Variants in INPP4B observed in about 807,000 individuals in gnomAD.
INPP4B encodes the protein inositol polyphosphate-4-phosphatase type II B.
In INPP4B, 55 loss-of-function variants were observed where a neutral mutation model predicts 122.5. The observed-to-expected ratio is 0.45, with a 90% confidence interval of 0.36 to 0.56. The LOEUF is 0.56. INPP4B is among the 20% of genes least tolerant of loss of function. The probability of loss-of-function intolerance (pLI) is 0.00; values close to 1 mark genes in which losing one functional copy is unlikely to be tolerated. For synonymous variants in INPP4B, 403 were observed against 388.7 expected (o/e 1.04, Z -0.43); for missense variants, 1,000 against 1,097.7 (o/e 0.91, Z 1.26).
At chr4:142,188,681 T>C (rs999530460) in intron 15 of INPP4B, among the ~76,000 whole-genome samples, 9 of 151,114 alleles carry the variant, frequency 6.0e-5, no homozygotes, top group African/African-American at 1.7e-4. Flanking sequence ...AAAAAAAGAA[T>C]TACCATCCCC....
chr4:142,296,917 TAAG>T (rs1758960548), intron 9 of INPP4B, among the ~76,000 whole-genome samples: 2 of 152,176 alleles, frequency 1.3e-5, no homozygotes, highest in Admixed American at 1.3e-4. Context: ...ATCAGTTTTA[TAAG>T]AAGATGTTCC....
chr4:142,044,270 C>T (rs1335412919), intron 25 of INPP4B, among the ~76,000 whole-genome samples: 4 of 152,040 alleles, frequency 2.6e-5, no homozygotes, highest in African/African-American at 9.6e-5. Context: ...GAATCATCCA[C>T]GTAGAGAATA....
intron 15 of INPP4B, among the ~76,000 whole-genome samples, 181 bp downstream of exon 15, chr4:142,192,906 G>A (rs1197223066): frequency 6.6e-6 from 1 of 152,124 alleles, no homozygotes; most frequent in Non-Finnish European, 1.5e-5. Flanking sequence ...AGACACTTAG[G>A]CAATTTGTTT....
At chr4:142,202,490 A>G (rs924062592) in intron 14 of INPP4B, among the ~76,000 whole-genome samples, 3 of 152,110 alleles carry the variant, frequency 2.0e-5, no homozygotes, top group Admixed American at 6.6e-5. Flanking sequence ...TACATCTAAC[A>G]TAATTATGCT....
intron 7 of INPP4B, among the ~76,000 whole-genome samples, chr4:142,377,165 AT>A (rs1329505377): frequency 6.6e-6 from 1 of 151,970 alleles, no homozygotes; most frequent in East Asian, 1.9e-4. Context: ...TTTAAAACAA[AT>A]TTTAGGTGGC....
At chr4:142,103,236 A>G (rs1785342627) in intron 23 of INPP4B, among the ~76,000 whole-genome samples, 1 of 152,016 alleles carries the variant, frequency 6.6e-6, no homozygotes, top group Non-Finnish European at 1.5e-5. Context: ...CATTTAGCTT[A>G]TTTGACTCAA....
chr4:142,530,256 T>C (rs1054159472), intron 2 of INPP4B, among the ~76,000 whole-genome samples: 2 of 152,074 alleles, frequency 1.3e-5, no homozygotes, highest in African/African-American at 4.8e-5. Context: ...ACTCAGTGTG[T>C]CAGCATGGCT....
chr4:142,208,825 T>C, intron 13 of INPP4B, 71 bp downstream of exon 13: 2 of 1,170,686 alleles, frequency 1.7e-6, no homozygotes, highest in South Asian at 2.1e-5. Flanking sequence ...AATCTATTTA[T>C]TATTTTTTTT....
rs1024177359 is a variant in INPP4B at position 142,027,103 on chromosome 4, T to C, written c.*1679A>G. 2.0e-5 allele frequency: 3 copies of C among 152,228 alleles called. No individual in the cohort carries two copies. The highest frequency in any genetic ancestry group is 2.9e-5 in the Non-Finnish European group (2 of 68,040). The allele number at this position is 152,228 out of a possible 1,614,324, so 9.4% of individuals were successfully genotyped here. ...AAGAGAACATCAAGGTAATTTTGTC[T>C]ATGAATGGATTCAAAGTACACAGCA... On this transcript the variant is annotated 3_prime_UTR_variant, in exon 26 of 26. Coordinates refer to ENST00000262992, the MANE Select transcript of INPP4B (RefSeq NM_001101669.3).
intron 2 of INPP4B, among the ~76,000 whole-genome samples, chr4:142,590,127 G>A (rs971943856): frequency 2.0e-5 from 3 of 152,072 alleles, no homozygotes; most frequent in Non-Finnish European, 4.4e-5. Flanking sequence ...GGACTGAATC[G>A]GTGAAGCACA....
intron 21 of INPP4B, among the ~76,000 whole-genome samples, chr4:142,114,092 C>A (rs1020603584): frequency 6.6e-6 from 1 of 151,988 alleles, no homozygotes; most frequent in Non-Finnish European, 1.5e-5. Context: ...TGGCCTTTTT[C>A]ACCTAGCATA....
chr4:142,656,891 G>T (rs1301900536), intron 2 of INPP4B, among the ~76,000 whole-genome samples: 1 of 152,144 alleles, frequency 6.6e-6, no homozygotes, highest in Admixed American at 6.5e-5. Flanking sequence ...AAAAGGATTT[G>T]TGGGACTAGT....
chr4:142,271,965 C>T (rs1248704478), intron 9 of INPP4B, among the ~76,000 whole-genome samples: 2 of 152,140 alleles, frequency 1.3e-5, no homozygotes, highest in Non-Finnish European at 2.9e-5. Flanking sequence ...AAACACTGCA[C>T]ATATAATATT....
At chr4:142,244,087 G>C (rs1166313287) in intron 11 of INPP4B, among the ~76,000 whole-genome samples, 1 of 150,406 alleles carries the variant, frequency 6.6e-6, no homozygotes, top group African/African-American at 2.5e-5. Flanking sequence ...ACAGGTCCCA[G>C]TGTGTGATGT....
intron 2 of INPP4B, among the ~76,000 whole-genome samples, chr4:142,685,962 C>A (rs1294102009): frequency 6.6e-6 from 1 of 151,980 alleles, no homozygotes; most frequent in African/African-American, 2.4e-5. Flanking sequence ...TTGACGTTTA[C>A]AGCAAACTAC....
intron 7 of INPP4B, among the ~76,000 whole-genome samples, chr4:142,336,991 T>C (rs974470918): frequency 6.6e-6 from 1 of 152,204 alleles, no homozygotes; most frequent in Non-Finnish European, 1.5e-5. Context: ...CTTAGAGTAT[T>C]ACCACCAAAT....
rs186312447 is a variant in INPP4B at position 142,765,789 on chromosome 4, A to G, written c.-253-39888T>C. 5.0e-4 allele frequency: 76 copies of G among 151,914 alleles called. No individual in the cohort carries two copies. The East Asian group carries it at 6.8e-3, about 14-fold the overall frequency. 9.4% of individuals were successfully genotyped at this position (151,914 alleles called of 1,614,324 possible). On this transcript the variant is annotated intron_variant, in intron 1 of 25. Coordinates refer to ENST00000262992, the MANE Select transcript of INPP4B (RefSeq NM_001101669.3). ...ATTTTTCTGATCATCATCTCTTATA[A>G]GCTATAATCCAGCTCATAAAACTTG...
At chr4:142,593,107 A>ATT (rs1448229697) in intron 2 of INPP4B, among the ~76,000 whole-genome samples, 36 of 140,760 alleles carry the variant, frequency 2.6e-4, no homozygotes, top group Middle Eastern at 3.8e-3. Context: ...CTGTTTTTAA[A>ATT]AAAAAAAAAA....
At chr4:142,768,310 CA>C (rs1414721040) in intron 1 of INPP4B, among the ~76,000 whole-genome samples, 1 of 152,152 alleles carries the variant, frequency 6.6e-6, no homozygotes, top group African/African-American at 2.4e-5. Flanking sequence ...AGTCTCTTCA[CA>C]GTGTACTACA....
Sources: allele counts gnomAD v4.1 joint callset (sites outside exome capture counted in the v4.1 genomes callset), GRCh38; gene constraint gnomAD v4.1.1; transcripts MANE v1.5; gene names NCBI Gene and HGNC (gene_info 2026-07-23, HGNC 2026-07-21).